Variants in PIAS2 observed in about 807,000 individuals in gnomAD.
PIAS2 encodes protein inhibitor of activated STAT 2.
PIAS2 carries 19 observed loss-of-function variants against 69.7 expected under a neutral mutation model. The ratio of observed to expected loss-of-function variants is 0.27; its 90% CI spans 0.19 to 0.40. The LOEUF is 0.40. PIAS2 is among the 10% of genes least tolerant of loss of function. The probability of loss-of-function intolerance (pLI) is 1.00; values close to 1 mark genes in which losing one functional copy is unlikely to be tolerated. For synonymous variants in PIAS2, 261 were observed against 263.2 expected, an observed-to-expected ratio of 0.99 and a Z score of 0.08; for missense variants, 624 against 757.0, an observed-to-expected ratio of 0.82 and a Z score of 2.06.
In PIAS2 at chr18:46,834,864, G is replaced by A. The variant is rs114983808; in HGVS notation, c.1202+1493C>T. Among the ~76,000 whole-genome samples, 912 of 152,326 alleles carry A rather than the reference G, an allele frequency of 6.0e-3. 7 individuals are homozygous for A. Among genetic ancestry groups the A allele is most frequent in the African/African-American group, 0.021 (854 of 41,570 alleles). On this transcript the variant is annotated intron_variant, in intron 9 of 13. Transcript: ENST00000585916. Reference sequence around the variant, plus strand: ...CGATGTTATGCCTGTTGGCATGAGAGTGAAATGATTTACTAGAAGGGAAAA... The same window carrying A: ...CGATGTTATGCCTGTTGGCATGAGAATGAAATGATTTACTAGAAGGGAAAA...
intron 1 of PIAS2, among the ~76,000 whole-genome samples, chr18:46,893,174 A>G (rs1161713278): frequency 1.3e-5 from 2 of 152,232 alleles, no homozygotes; most frequent in Non-Finnish European, 2.9e-5. Context: ...TGCATTAAAC[A>G]GAAGACAACA....
chr18:46,866,848 C>A (rs969711447), intron 2 of PIAS2, among the ~76,000 whole-genome samples: 3 of 152,016 alleles, frequency 2.0e-5, no homozygotes, highest in Admixed American at 1.3e-4. Context: ...CCACTCTTAG[C>A]GTGCCACAAG....
chr18:46,918,386 CCCA>C (rs1361567303), upstream of PIAS2, among the ~76,000 whole-genome samples: 5 of 152,174 alleles, frequency 3.3e-5, no homozygotes, highest in Non-Finnish European at 7.3e-5. Context: ...ACCGCCTCTT[CCCA>C]CTACCCCTCG....
intron 2 of PIAS2, among the ~76,000 whole-genome samples, chr18:46,889,074 C>A (rs575026966): frequency 1.3e-5 from 2 of 152,060 alleles, no homozygotes; most frequent in Non-Finnish European, 2.9e-5. Flanking sequence ...ATACCATATA[C>A]GAAAATTAAC....
intron 1 of PIAS2, among the ~76,000 whole-genome samples, chr18:46,895,798 G>C (rs1314824291): frequency 6.6e-6 from 1 of 152,176 alleles, no homozygotes; most frequent in Non-Finnish European, 1.5e-5. Flanking sequence ...TATGTGGCAA[G>C]CCAGAAAGAT....
At chr18:46,855,486 T>C in intron 4 of PIAS2, 51 bp from the exon 5 acceptor site, 1 of 1,564,186 alleles carries the variant, frequency 6.4e-7, no homozygotes, top group Non-Finnish European at 8.8e-7. Context: ...TCAAACATTC[T>C]TATATGTTTT....
chr18:46,826,297 A>G (rs2042841951), intron 11 of PIAS2, among the ~76,000 whole-genome samples: 1 of 152,182 alleles, frequency 6.6e-6, no homozygotes, highest in African/African-American at 2.4e-5. Flanking sequence ...TTTGTCGCCC[A>G]CTGTGTATGT....
chr18:46,818,514 G>A (rs2041814188), intron 12 of PIAS2: 2 of 1,374,044 alleles, frequency 1.5e-6, no homozygotes, highest in African/African-American at 3.0e-5. Flanking sequence ...TTAAAACTTT[G>A]TTATCTCTCC....
intron 2 of PIAS2, among the ~76,000 whole-genome samples, chr18:46,884,841 C>T (rs1030352285): frequency 6.6e-6 from 1 of 151,618 alleles, no homozygotes; most frequent in Admixed American, 6.6e-5. Flanking sequence ...CGCTTGAACC[C>T]AGGAGGCAGA....
rs1260677564 is a variant in PIAS2, at chr18:46,808,961, A to AG, written c.*3471dup. 1 of 151,956 alleles carries AG rather than the reference A, an allele frequency of 6.6e-6. No homozygotes were observed. Among genetic ancestry groups the AG allele is most frequent in the East Asian group, 1.9e-4 (1 of 5,186 alleles). 9.4% of individuals were successfully genotyped at this position (151,956 alleles called of 1,614,324 possible). On this transcript the variant is annotated 3_prime_UTR_variant, in exon 14 of 14. Coordinates refer to ENST00000585916, the MANE Select transcript of PIAS2 (RefSeq NM_004671.5). ...GTCAACTAATGAATACTTTATTGGC[A>AG]GAAAAAAAAGACAACTTGGCTGGAA...
intron 12 of PIAS2, chr18:46,817,960 T>C (rs954801574): frequency 6.1e-6 from 6 of 984,786 alleles, no homozygotes; most frequent in East Asian, 1.1e-4. Flanking sequence ...TATTTCACCA[T>C]AAGTTTCAAC....
At chr18:46,861,713 G>A (rs1213148876) in intron 3 of PIAS2, among the ~76,000 whole-genome samples, 1 of 152,086 alleles carries the variant, frequency 6.6e-6, no homozygotes, top group Non-Finnish European at 1.5e-5. Context: ...CAAAACACCT[G>A]ATCAGTACTC....
rs1482805012 is a variant in PIAS2, at chr18:46,836,471, G to A, written c.1088C>T (p.Thr363Ile). 3.7e-6 allele frequency: 6 copies of A among 1,613,710 alleles called. No homozygotes were observed. The highest frequency in any genetic ancestry group is 2.5e-6 in the Non-Finnish European group (3 of 1,179,684). ...LTIPCRAVTC[T>I]HLQCFDAALY... ...GGCAGCATCAAAACACTGCAGATGT[G>A]TACAAGTCACTGCACGGCATGGGAT... is the stretch of plus-strand genomic sequence containing the variant. Residue 363 changes from threonine to isoleucine, a missense_variant, in exon 9 of 14, where the codon ACA (threonine) becomes ATA (isoleucine). Thr to Ile is a moderately conservative substitution (Grantham distance 89, BLOSUM62 -1). This residue lies in a region of PIAS2 where 44 missense variants were observed against 90.9 expected (regional missense o/e 0.48). Transcript: ENST00000585916.
In PIAS2 at chr18:46,906,488, G is replaced by T. The variant is rs2056611187; in HGVS notation, c.24+10834C>A. 2.0e-5 allele frequency among the ~76,000 whole-genome samples: 3 copies of T among 152,136 alleles called. No homozygotes were observed. The South Asian group carries it at 6.2e-4, about 32-fold the overall frequency. The stretch of plus-strand genomic sequence containing the variant: ...GAGTATAGCAAGGTTATTATACAAA[G>T]TCAAACTGTACTTCTGTGCACCAGC... On this transcript the variant is annotated intron_variant, in intron 1 of 13. Transcript: ENST00000585916.
rs1393038623 is a variant in PIAS2 at position 46,807,023 on chromosome 18, A to G, written c.*5410T>C. The G allele has an allele frequency of 6.6e-6, 1 of 151,924 alleles. No homozygotes were observed. Among genetic ancestry groups the G allele is most frequent in the East Asian group, 1.9e-4 (1 of 5,162 alleles). The allele number at this position is 151,924 out of a possible 1,614,324, so 9.4% of individuals were successfully genotyped here. ...TTATTGGAAACATAAGGGAATATAAAGTGAAAACAGGCAATGTTTGCCTGT... is the reference window on the plus strand; with the variant it reads ...TTATTGGAAACATAAGGGAATATAAGGTGAAAACAGGCAATGTTTGCCTGT... On this transcript the variant is annotated 3_prime_UTR_variant, in exon 14 of 14. Transcript: ENST00000585916.
At chr18:46,919,994 A>G (rs2058443276), upstream of PIAS2, 2 of 1,137,026 alleles carry the variant, frequency 1.8e-6, no homozygotes, top group African/African-American at 1.6e-5. Context: ...GCTTACACCC[A>G]TAAAGAGGAC....
Position 46,807,410 on chromosome 18 carries a change from T to TA in PIAS2, c.*5022dup, listed in dbSNP as rs1458620590. Reference sequence around the variant, plus strand: ...TTTTTTTTTTTTTTTTTTTTTTTTTTAGAGAGTCTTGCTTTGTTACCCAGG... The same window carrying TA: ...TTTTTTTTTTTTTTTTTTTTTTTTTTAAGAGAGTCTTGCTTTGTTACCCAGG... On this transcript the variant is annotated 3_prime_UTR_variant, in exon 14 of 14. Transcript: ENST00000585916. The TA allele has an allele frequency of 2.7e-4, 31 of 113,858 alleles. No individual in the cohort carries two copies. Among genetic ancestry groups the TA allele is most frequent in the African/African-American group, 9.7e-4 (28 of 28,822 alleles). The allele number at this position is 113,858 out of a possible 1,614,324, so 7.1% of individuals were successfully genotyped here. A position where few individuals can be genotyped will look rare whatever the true frequency, so the allele number is the denominator to read the frequency against.
At chr18:46,834,183 T>G (rs1390565810) in intron 9 of PIAS2, among the ~76,000 whole-genome samples, 1 of 152,160 alleles carries the variant, frequency 6.6e-6, no homozygotes, top group Non-Finnish European at 1.5e-5. Flanking sequence ...ATCACAAATG[T>G]GCCTGATGAA....
chr18:46,882,184 C>T (rs1215009807), intron 2 of PIAS2, among the ~76,000 whole-genome samples: 2 of 151,938 alleles, frequency 1.3e-5, no homozygotes, highest in Non-Finnish European at 2.9e-5. Flanking sequence ...ATAATATATA[C>T]AGTAAATTAG....
Sources: allele counts gnomAD v4.1 joint callset (sites outside exome capture counted in the v4.1 genomes callset), GRCh38; gene constraint gnomAD v4.1.1; regional missense constraint gnomAD v4.1.1; transcripts MANE v1.5; gene names NCBI Gene and HGNC (gene_info 2026-07-23, HGNC 2026-07-21).